The following LRRC49 variants were observed in gnomAD, a reference collection of about 807,000 sequenced individuals.
The protein encoded by LRRC49 is leucine rich repeat containing 49.
A neutral mutation model predicts 83.3 loss-of-function variants in LRRC49; 50 were observed. The observed-to-expected ratio is 0.60, with a 90% CI of 0.48 to 0.76. The LOEUF is 0.76. Ranked by LOEUF, LRRC49 falls within the 30% of genes least tolerant of loss-of-function variation. The probability of loss-of-function intolerance (pLI) is 0.00; values close to 1 mark genes in which losing one functional copy is unlikely to be tolerated. For missense variants in LRRC49, 704 were observed against 809.1 expected (o/e 0.87, Z 1.58); for synonymous variants, 286 against 283.3 (o/e 1.01, Z -0.10).
chr15:70,973,549 C>G (rs558292299), intron 9 of LRRC49, among the ~76,000 whole-genome samples: 3 of 152,174 alleles, frequency 2.0e-5, no homozygotes, highest in African/African-American at 7.2e-5. Flanking sequence ...AGCTGGCAGG[C>G]AGGAACATTT....
chr15:70,966,544 C>T (rs566288454), intron 9 of LRRC49, among the ~76,000 whole-genome samples: 3 of 152,190 alleles, frequency 2.0e-5, no homozygotes, highest in African/African-American at 4.8e-5. Context: ...AATTGTATAA[C>T]GTCCTCCTGG....
upstream of LRRC49, among the ~76,000 whole-genome samples, chr15:70,887,840 CTA>C (rs2033451541): frequency 6.6e-6 from 1 of 152,182 alleles, no homozygotes; most frequent in East Asian, 1.9e-4. Context: ...AATTTATAAA[CTA>C]TTGAAATTAA....
At chr15:70,877,293 T>C (rs1441054278) in intron 2 of LRRC49, among the ~76,000 whole-genome samples, 1 of 152,172 alleles carries the variant, frequency 6.6e-6, no homozygotes, top group Non-Finnish European at 1.5e-5. Context: ...CCTCATCACA[T>C]TGGGGTATAA....
rs2039963436 is a variant in LRRC49, at chr15:71,049,694, C to T, written c.*82C>T. The T allele has an allele frequency of 2.4e-6, 2 of 843,538 alleles. No homozygotes were observed. Among genetic ancestry groups the T allele is most frequent in the Admixed American group, 4.6e-5 (2 of 43,554 alleles). The allele number at this position is 843,538 out of a possible 1,614,324, so 52.3% of individuals were successfully genotyped here. On this transcript the variant is annotated 3_prime_UTR_variant, in exon 16 of 16. Transcript: ENST00000260382. ...ATGCAGGTTATACATGTTAAAACAA[C>T]AACAACACTATCCTATAAACTAGAA...
At chr15:70,960,719 T>C (rs2036575270) in intron 8 of LRRC49, among the ~76,000 whole-genome samples, 1 of 152,136 alleles carries the variant, frequency 6.6e-6, no homozygotes, top group Admixed American at 6.6e-5. Context: ...AATGGAACAA[T>C]TGGATGTCCA....
At chr15:71,032,796 T>C (rs1017275834) in intron 14 of LRRC49, among the ~76,000 whole-genome samples, 1 of 152,132 alleles carries the variant, frequency 6.6e-6, no homozygotes, top group African/African-American at 2.4e-5. Context: ...AAAAGGCCAT[T>C]AATAAAATTT....
At chr15:70,911,420 A>T in intron 5 of LRRC49, 112 bp from the exon 6 acceptor site, 1 of 540,876 alleles carries the variant, frequency 1.8e-6, no homozygotes, top group South Asian at 2.8e-5. Flanking sequence ...ATATAACTAT[A>T]TATGTAGATA....
chr15:71,002,117 A>G (rs909117450), intron 11 of LRRC49, among the ~76,000 whole-genome samples: 1 of 152,248 alleles, frequency 6.6e-6, no homozygotes, highest in African/African-American at 2.4e-5. Context: ...CCTGAATGAT[A>G]CAATTTAACT....
intron 7 of LRRC49, among the ~76,000 whole-genome samples, chr15:70,930,126 A>G (rs570978740): frequency 7.6e-4 from 116 of 152,318 alleles, no homozygotes; most frequent in African/African-American, 2.7e-3. Flanking sequence ...CAGTAGAGGA[A>G]TCACTATTTA....
intron 3 of LRRC49, among the ~76,000 whole-genome samples, chr15:70,897,183 C>T (rs565075435): frequency 2.6e-5 from 4 of 152,018 alleles, no homozygotes; most frequent in Non-Finnish European, 5.9e-5. Context: ...AGTTAGTAAA[C>T]AGATTTGAGG....
chr15:70,858,795 GGCCCAGT>G, intron 1 of LRRC49: 4 of 881,122 alleles, frequency 4.5e-6, no homozygotes, highest in Non-Finnish European at 7.4e-6. Flanking sequence ...TACACAAGTG[GGCCCAGT>G]GCCCGCATCA....
At chr15:70,950,575 C>T (rs2036182090) in intron 8 of LRRC49, among the ~76,000 whole-genome samples, 1 of 152,108 alleles carries the variant, frequency 6.6e-6, no homozygotes, top group African/African-American at 2.4e-5. Context: ...TAAGAAATGT[C>T]TGTTCATGTT....
intron 6 of LRRC49, 167 bp from the exon 7 acceptor site, chr15:70,918,883 C>T (rs1033989783): frequency 5.6e-6 from 3 of 532,278 alleles, no homozygotes; most frequent in Admixed American, 3.5e-5. Flanking sequence ...AGTTACGTGA[C>T]TTCATGTTAT....
rs942621079 is a variant in LRRC49 at position 71,052,606 on chromosome 15, A to G, written c.*2994A>G. ...TGCACTGGGATTCATATTCTCTTCA[A>G]TGAGTAATCATCATAACAACAAAGA... is the stretch of plus-strand genomic sequence containing the variant. On this transcript the variant is annotated 3_prime_UTR_variant, in exon 16 of 16. Coordinates refer to ENST00000260382, the MANE Select transcript of LRRC49 (RefSeq NM_017691.5). The G allele has an allele frequency of 2.6e-5, 4 of 152,228 alleles. No individual in the cohort carries two copies. The highest frequency in any genetic ancestry group is 4.8e-5 in the African/African-American group (2 of 41,438). 9.4% of individuals were successfully genotyped at this position (152,228 alleles called of 1,614,324 possible).
At chr15:70,968,101 C>G (rs912868561) in intron 9 of LRRC49, among the ~76,000 whole-genome samples, 1 of 151,972 alleles carries the variant, frequency 6.6e-6, no homozygotes, top group Non-Finnish European at 1.5e-5. Flanking sequence ...AACCCGTAAT[C>G]TGCATTAGAT....
chr15:70,894,467 T>G, intron 2 of LRRC49: 1 of 345,730 alleles, frequency 2.9e-6, no homozygotes, highest in Non-Finnish European at 5.4e-6. Flanking sequence ...TCCCCAAGAT[T>G]ATTTCCCCAT....
intron 1 of LRRC49, chr15:70,893,271 A>T: frequency 1.8e-6 from 1 of 546,082 alleles, no homozygotes. Flanking sequence ...ATCATTAGGG[A>T]CTCCCACCTC....
intron 14 of LRRC49, among the ~76,000 whole-genome samples, chr15:71,017,896 A>G (rs1394779004): frequency 3.3e-5 from 5 of 152,188 alleles, no homozygotes; most frequent in Non-Finnish European, 7.4e-5. Context: ...TTTATGTAGT[A>G]AGCTGCCATG....
chr15:70,855,581 G>T (rs1400120990), intron 1 of LRRC49, among the ~76,000 whole-genome samples: 1 of 152,188 alleles, frequency 6.6e-6, no homozygotes, highest in Non-Finnish European at 1.5e-5. Context: ...CCTTGTAAAA[G>T]AACACCATGT....
Sources: gnomAD v4.1 joint callset for allele counts (sites outside exome capture counted in the v4.1 genomes callset) on GRCh38, gnomAD v4.1.1 for gene constraint, MANE v1.5 for transcripts, NCBI Gene and HGNC (gene_info 2026-07-23, HGNC 2026-07-21) for gene names.